The following HAUS7 variants were observed in gnomAD, a reference collection of about 807,000 sequenced individuals.
HAUS7 encodes HAUS augmin-like complex subunit 7.
In HAUS7, 3 loss-of-function variants were observed where a neutral mutation model predicts 28.4. That is an observed-to-expected ratio of 0.11 (90% CI 0.05 to 0.27). The LOEUF is 0.27. Among genes scored for constraint, HAUS7 ranks in the 10% least tolerant of loss-of-function variants. The pLI is 1.00. For synonymous variants in HAUS7, 165 were observed against 132.1 expected, an observed-to-expected ratio of 1.25 and a Z score of -1.71; for missense variants, 284 against 297.3, an observed-to-expected ratio of 0.96 and a Z score of 0.33.
At chrX:153,449,178 G>A (rs1488496835) in intron 9 of HAUS7, among the ~76,000 whole-genome samples, 2 of 112,045 alleles carry the variant, frequency 1.8e-5, no homozygotes, top group Non-Finnish European at 3.8e-5. Context: ...CTCCCCATCC[G>A]TGGCCCCACT....
intron 4 of HAUS7, among the ~76,000 whole-genome samples, chrX:153,459,227 T>C (rs967044852): frequency 7.1e-5 from 8 of 112,089 alleles, no homozygotes; most frequent in Non-Finnish European, 1.9e-5. Flanking sequence ...TTTGTCCATT[T>C]TTGAACTGGG....
upstream of HAUS7, among the ~76,000 whole-genome samples, chrX:153,471,965 TTTTG>T (rs1195267487): frequency 8.9e-6 from 1 of 112,147 alleles, no homozygotes; most frequent in Admixed American, 9.4e-5. Context: ...TTTCCCTCTT[TTTTG>T]TTTTTGTTTT....
At chrX:153,473,643 T>C (rs1488145448), upstream of HAUS7, among the ~76,000 whole-genome samples, 3 of 112,922 alleles carry the variant, frequency 2.7e-5, no homozygotes, top group African/African-American at 9.7e-5. Context: ...ATCACACCCA[T>C]GCGAGAAGCA....
chrX:153,470,582 G>A (rs1602944552), upstream of HAUS7: 4 of 1,171,233 alleles, frequency 3.4e-6, no homozygotes, highest in East Asian at 1.2e-4. Context: ...GCCGCGCCCC[G>A]CCCATGCCCT....
chrX:153,464,936 A>T, intron 3 of HAUS7, 52 bp downstream of exon 3: 1 of 825,318 alleles, frequency 1.2e-6, no homozygotes. Flanking sequence ...ATGCACCACC[A>T]CTCCATAAGG....
Position 153,476,121 on chromosome X carries a change from C to T in HAUS7, c.-588-4976G>A, listed in dbSNP as rs2089561583. ...CAAGGACAAAGGCAAGCCAGCCCACCGCCACAGACACCTTCCCACGGCTCA... is the reference window on the plus strand; with the variant it reads ...CAAGGACAAAGGCAAGCCAGCCCACTGCCACAGACACCTTCCCACGGCTCA... On this transcript the variant is annotated intron_variant, in intron 1 of 5. Coordinates refer to the HAUS7 transcript ENST00000370210. Among the ~76,000 whole-genome samples, 4 of 112,351 alleles carry T rather than the reference C, an allele frequency of 3.6e-5. No homozygotes were observed. In the South Asian group the frequency reaches 1.1e-3, roughly 31 times the overall value.
chrX:153,456,630 G>A lies in HAUS7; in HGVS notation c.468C>T (p.Asp156=), dbSNP rs782765806. ...SCSSLMEHFE[D]TREKNEALLG... is the part of the protein sequence containing the mutation. ...GCAAGGCCTCGTTCTTCTCCCTGGTGTCCTCGAAGTGCTCCATCAGGCTGC... is the reference window on the plus strand; with the variant it reads ...GCAAGGCCTCGTTCTTCTCCCTGGTATCCTCGAAGTGCTCCATCAGGCTGC... Residue 156 remains aspartate, a synonymous_variant, in exon 6 of 10, where the codon GAC becomes GAT. Transcript: ENST00000370211. 79 of 1,178,454 alleles carry A rather than the reference G, an allele frequency of 6.7e-5. No individual in the cohort carries two copies. In the Middle Eastern group the frequency reaches 7.0e-4, roughly 10 times the overall value.
intron 9 of HAUS7, among the ~76,000 whole-genome samples, chrX:153,452,081 T>C (rs1228494250): frequency 1.8e-5 from 2 of 112,658 alleles, no homozygotes; most frequent in Non-Finnish European, 3.7e-5. Context: ...AGACTCATCA[T>C]ATACCAGCTG....
At position 153,483,178 on chromosome X, in the gene HAUS7, C is replaced by A. The variant is rs1382172452; in HGVS notation, c.-588-12033G>T. On this transcript the variant is annotated intron_variant, in intron 1 of 5. Coordinates refer to the HAUS7 transcript ENST00000370210. ...AGGGCAGAGACTGGCACCTGAGTTG[C>A]ACAGACATGGCTGGGTGGAAGGAGG... The A allele has an allele frequency of 1.4e-5, 5 of 358,517 alleles. No individual in the cohort carries two copies. The African/African-American group carries it at 1.4e-4, about 10-fold the overall frequency. 29.5% of individuals were successfully genotyped at this position (358,517 alleles called of 1,213,427 possible).
At chrX:153,484,951 G>A (rs1245775976) in intron 1 of HAUS7, among the ~76,000 whole-genome samples, 1 of 112,876 alleles carries the variant, frequency 8.9e-6, no homozygotes, top group East Asian at 2.8e-4. Context: ...GGGGCTGAGG[G>A]TGTTGCCAAG....
At chrX:153,460,974 T>C (rs782683174) in intron 4 of HAUS7, among the ~76,000 whole-genome samples, 1 of 112,451 alleles carries the variant, frequency 8.9e-6, no homozygotes, top group South Asian at 3.7e-4. Context: ...CAGGCCCACC[T>C]GTGCACAAGT....
At chrX:153,482,439 T>C in intron 1 of HAUS7, 2 of 756,205 alleles carry the variant, frequency 2.6e-6, no homozygotes, top group Non-Finnish European at 3.1e-6. Flanking sequence ...CTGCAGGGCT[T>C]GCAAGGCAGC....
chrX:153,486,038 C>A (rs782038767), intron 1 of HAUS7: 1 of 972,938 alleles, frequency 1.0e-6, no homozygotes, highest in East Asian at 7.6e-5. Context: ...GGCCATCCCA[C>A]GCGGCCTCCT....
chrX:153,461,008 CAA>C (rs1556983252), intron 4 of HAUS7, among the ~76,000 whole-genome samples: 2 of 112,239 alleles, frequency 1.8e-5, no homozygotes, highest in Non-Finnish European at 3.8e-5. Context: ...GTGAGCCCAG[CAA>C]AGTCTCCCAG....
chrX:153,488,294 G>A (rs1037640418), intron 1 of HAUS7, among the ~76,000 whole-genome samples: 1 of 113,041 alleles, frequency 8.8e-6, no homozygotes, highest in Admixed American at 9.2e-5. Flanking sequence ...TGGCGGGGCC[G>A]CCCCTCTCCT....
At chrX:153,472,814 G>C (rs1256676399), upstream of HAUS7, among the ~76,000 whole-genome samples, 1 of 108,350 alleles carries the variant, frequency 9.2e-6, no homozygotes, top group African/African-American at 3.4e-5. Context: ...CTCTGAGGGA[G>C]GCCTGGGTGG....
intron 8 of HAUS7, chrX:153,455,307 A>C (rs2089291380): frequency 2.3e-6 from 1 of 443,764 alleles, no homozygotes; most frequent in Non-Finnish European, 3.9e-6. Flanking sequence ...GTGCCTGCTA[A>C]GGTGGGCAGG....
At chrX:153,459,640 G>A (rs1320718506) in intron 4 of HAUS7, among the ~76,000 whole-genome samples, 1 of 111,840 alleles carries the variant, frequency 8.9e-6, no homozygotes, top group Non-Finnish European at 1.9e-5. Context: ...GTTTCCGCCT[G>A]CATTACAGCC....
chrX:153,486,608 C>T, intron 1 of HAUS7: 1 of 981,507 alleles, frequency 1.0e-6, no homozygotes. Flanking sequence ...CTCCCCTGCT[C>T]TGCCCCACCC....
Sources: gnomAD v4.1 joint callset for allele counts (sites outside exome capture counted in the v4.1 genomes callset) on GRCh38, gnomAD v4.1.1 for gene constraint, MANE v1.5 for transcripts, NCBI Gene and HGNC (gene_info 2026-07-23, HGNC 2026-07-21) for gene names.